The following DOCK3 variants were observed in gnomAD, a reference collection of about 807,000 sequenced individuals.
The protein encoded by DOCK3 is dedicator of cytokinesis protein 3.
In DOCK3, 60 loss-of-function variants were observed where a neutral mutation model predicts 265.6. That is an observed-to-expected ratio of 0.23 (90% CI 0.18 to 0.28). The LOEUF is 0.28. Among genes scored for constraint, DOCK3 ranks in the 10% least tolerant of loss-of-function variants. The pLI, the probability that DOCK3 is intolerant of heterozygous loss-of-function variation, is 1.00. For missense variants in DOCK3, 1,981 were observed against 2,594.3 expected (o/e 0.76, Z 5.14); for synonymous variants, 881 against 938.0 (o/e 0.94, Z 1.11).
intron 6 of DOCK3, among the ~76,000 whole-genome samples, chr3:51,070,372 C>T (rs1281317079): frequency 6.6e-6 from 1 of 152,024 alleles, no homozygotes; most frequent in Non-Finnish European, 1.5e-5. Flanking sequence ...AATGGAAATA[C>T]CATAGGTTCA....
At chr3:50,853,871 G>T (rs2262846) in intron 3 of DOCK3, among the ~76,000 whole-genome samples, 147,351 of 150,432 alleles carry the variant, frequency 0.98, 72,254 homozygotes, top group Middle Eastern at 1. Flanking sequence ...TATTTTTTTT[G>T]TTTTTGAGAA....
chr3:50,744,106 C>T (rs1050513936), intron 1 of DOCK3, among the ~76,000 whole-genome samples: 3 of 152,162 alleles, frequency 2.0e-5, no homozygotes, highest in Admixed American at 6.5e-5. Flanking sequence ...GTCCTTTGTC[C>T]ATTTTGAATC....
At chr3:51,300,480 G>A (rs1330004843) in intron 27 of DOCK3, among the ~76,000 whole-genome samples, 1 of 152,186 alleles carries the variant, frequency 6.6e-6, no homozygotes, top group Non-Finnish European at 1.5e-5. Flanking sequence ...TCTTGTGCCG[G>A]TTTTCAAGGG....
At chr3:51,032,589 A>G (rs1001454232) in intron 5 of DOCK3, among the ~76,000 whole-genome samples, 1 of 152,044 alleles carries the variant, frequency 6.6e-6, no homozygotes, top group African/African-American at 2.4e-5. Context: ...TCATGGATAA[A>G]TTTTTTCTTT....
Position 50,787,545 on chromosome 3 carries a change from A to G in DOCK3, c.121+8787A>G, listed in dbSNP as rs1381436513. The G allele has an allele frequency of 5.6e-6, 4 of 710,948 alleles. No homozygotes were observed. In the Admixed American group the frequency reaches 1.1e-4, roughly 19 times the overall value. 44.0% of individuals were successfully genotyped at this position (710,948 alleles called of 1,614,324 possible). A position where few individuals can be genotyped will look rare whatever the true frequency, so the allele number is the denominator to read the frequency against. Reference sequence around the variant, plus strand: ...AGTAAAACTGTCTCAAAAACAAAAAACAACCCTGGGTCACTTCTCACAGGT... The same window carrying G: ...AGTAAAACTGTCTCAAAAACAAAAAGCAACCCTGGGTCACTTCTCACAGGT... On this transcript the variant is annotated intron_variant, in intron 2 of 52. Coordinates refer to ENST00000266037, the MANE Select transcript of DOCK3 (RefSeq NM_004947.5).
rs142654390 is a variant in DOCK3 at position 50,984,674 on chromosome 3, G to A, written c.315+50597G>A. On this transcript the variant is annotated intron_variant, in intron 5 of 52. Transcript: ENST00000266037. ...AAACTTCAGACTGAAAGGGACTCCT[G>A]AATGTCAGGTAAAAATAACTAAAAC... Among the ~76,000 whole-genome samples, 167 of 152,238 alleles carry A rather than the reference G, an allele frequency of 1.1e-3. 1 individual carries two copies. In the East Asian group the frequency reaches 0.025, roughly 23 times the overall value.
At chr3:50,888,151 C>A (rs1466591706) in intron 3 of DOCK3, among the ~76,000 whole-genome samples, 1 of 152,124 alleles carries the variant, frequency 6.6e-6, no homozygotes, top group African/African-American at 2.4e-5. Context: ...TGATAAGCAA[C>A]TTCAGCAAAG....
intron 5 of DOCK3, among the ~76,000 whole-genome samples, chr3:51,047,782 G>C (rs562328872): frequency 1.3e-5 from 2 of 152,244 alleles, no homozygotes; most frequent in African/African-American, 4.8e-5. Context: ...CCCGGGACCA[G>C]ATGGCTTAAC....
chr3:51,193,694 T>C (rs992087458), intron 12 of DOCK3, among the ~76,000 whole-genome samples: 6 of 152,038 alleles, frequency 3.9e-5, no homozygotes, highest in African/African-American at 1.4e-4. Context: ...TGTTTCAGTT[T>C]GTCAGCATGT....
intron 32 of DOCK3, among the ~76,000 whole-genome samples, chr3:51,326,841 T>C (rs2084161714): frequency 6.6e-6 from 1 of 152,052 alleles, no homozygotes; most frequent in Non-Finnish European, 1.5e-5. Context: ...GTCAGGCTGG[T>C]CTCAAACTCC....
intron 1 of DOCK3, among the ~76,000 whole-genome samples, chr3:50,706,126 T>C (rs2036399416): frequency 6.6e-6 from 1 of 152,118 alleles, no homozygotes; most frequent in Admixed American, 6.5e-5. Flanking sequence ...CCTTCTGCCA[T>C]GATTGTGTTT....
chr3:50,939,830 C>A (rs912482449), intron 5 of DOCK3, among the ~76,000 whole-genome samples: 1 of 152,002 alleles, frequency 6.6e-6, no homozygotes, highest in African/African-American at 2.4e-5. Flanking sequence ...CTCAACACTC[C>A]TATCAACACA....
intron 5 of DOCK3, among the ~76,000 whole-genome samples, chr3:51,004,209 G>C (rs1575728964): frequency 1.3e-5 from 2 of 152,014 alleles, no homozygotes; most frequent in East Asian, 3.9e-4. Flanking sequence ...CTCTCTTTCT[G>C]TTTGTGTCTT....
At chr3:50,746,483 C>T (rs978907881) in intron 1 of DOCK3, among the ~76,000 whole-genome samples, 1 of 152,062 alleles carries the variant, frequency 6.6e-6, no homozygotes, top group Non-Finnish European at 1.5e-5. Context: ...TTTGCCTAAC[C>T]GAAGGTCATG....
At position 51,014,976 on chromosome 3, in the gene DOCK3, A is replaced by G. The variant is rs115197839; in HGVS notation, c.316-49472A>G. Among the ~76,000 whole-genome samples, 425 of 152,246 alleles carry G rather than the reference A, an allele frequency of 2.8e-3. 2 individuals carry two copies. Among genetic ancestry groups the G allele is most frequent in the African/African-American group, 9.8e-3 (407 of 41,546 alleles). The stretch of plus-strand genomic sequence containing the variant: ...ACATATAGGAATGCTACTGATTTTC[A>G]TAACTTGATTCAGTATCCTCCAACT... On this transcript the variant is annotated intron_variant, in intron 5 of 52. Transcript: ENST00000266037.
At chr3:50,893,222 T>C in intron 4 of DOCK3, 2 of 287,094 alleles carry the variant, frequency 7.0e-6, no homozygotes, top group East Asian at 1.3e-4. Context: ...CGGGAATACA[T>C]GACACAATCA....
At chr3:51,223,497 A>G (rs774426565) in intron 14 of DOCK3, among the ~76,000 whole-genome samples, 1 of 152,144 alleles carries the variant, frequency 6.6e-6, no homozygotes, top group Non-Finnish European at 1.5e-5. Context: ...TAGATTAAGC[A>G]TTAAAATTTT....
intron 12 of DOCK3, among the ~76,000 whole-genome samples, chr3:51,197,343 C>T (rs7628533): frequency 0.91 from 138,785 of 152,166 alleles, 63,432 homozygotes; most frequent in African/African-American, 0.96. Context: ...TGGTGGATTG[C>T]ACAAGTGGGC....
chr3:51,262,912 G>A (rs572807788), intron 23 of DOCK3, among the ~76,000 whole-genome samples: 32 of 152,204 alleles, frequency 2.1e-4, no homozygotes, highest in Non-Finnish European at 3.5e-4. Flanking sequence ...AAGAAATATG[G>A]GACTATGTGA....
Sources: allele counts gnomAD v4.1 joint callset (sites outside exome capture counted in the v4.1 genomes callset), GRCh38; gene constraint gnomAD v4.1.1; transcripts MANE v1.5; gene names NCBI Gene and HGNC (gene_info 2026-07-23, HGNC 2026-07-21).